The following GABRB3 variants were observed in gnomAD, a reference collection of about 807,000 sequenced individuals.
GABRB3 encodes the protein gamma-aminobutyric acid receptor subunit beta-3.
GABRB3 carries 14 observed loss-of-function variants against 52.1 expected under a neutral mutation model. The observed-to-expected ratio is 0.27, with a 90% CI of 0.18 to 0.42. The LOEUF is 0.42. Among genes scored for constraint, GABRB3 ranks in the 10% least tolerant of loss-of-function variants. The pLI is 1.00. For synonymous variants in GABRB3, 260 were observed against 232.3 expected (o/e 1.12, Z -1.08); for missense variants, 307 against 609.1 (o/e 0.50, Z 5.22).
intron 3 of GABRB3, among the ~76,000 whole-genome samples, chr15:26,640,472 A>G (rs921543732): frequency 6.6e-6 from 1 of 152,064 alleles, no homozygotes; most frequent in African/African-American, 2.4e-5. Flanking sequence ...AGCCGAGATC[A>G]CGCCACTGCA....
intron 3 of GABRB3, among the ~76,000 whole-genome samples, chr15:26,761,219 C>T (rs1392608314): frequency 6.6e-6 from 1 of 151,992 alleles, no homozygotes; most frequent in African/African-American, 2.4e-5. Flanking sequence ...ATAGTGAAAC[C>T]CCGTCTCTAC....
chr15:26,578,862 G>A (rs1022668865), intron 6 of GABRB3, among the ~76,000 whole-genome samples: 3 of 152,172 alleles, frequency 2.0e-5, no homozygotes, highest in South Asian at 4.1e-4. Context: ...ACAGGCCAAC[G>A]TTCTTGGTTG....
chr15:26,594,004 A>ATATATATATATAT (rs1566764220), intron 4 of GABRB3, among the ~76,000 whole-genome samples: 1 of 128,340 alleles, frequency 7.8e-6, no homozygotes, highest in Non-Finnish European at 1.6e-5. Context: ...ATATATATAT[A>ATATATATATATAT]ATAGCCATCC....
At position 26,624,669 on chromosome 15, in the gene GABRB3, T is replaced by C. The variant is rs1356092439; in HGVS notation, c.241-3135A>G. On this transcript the variant is annotated intron_variant, in intron 3 of 8. Transcript: ENST00000311550. ...CAAGAGGGAAAAAACAGTATGAAAA[T>C]CCAAACCCGCTGCATGTGATCAGCC... 8 of 985,154 alleles carry C rather than the reference T, an allele frequency of 8.1e-6. No homozygotes were observed. The East Asian group carries it at 3.4e-4, about 42-fold the overall frequency. The allele number at this position is 985,154 out of a possible 1,614,324, so 61.0% of individuals were successfully genotyped here.
chr15:26,715,440 C>A (rs1889436708), intron 3 of GABRB3, among the ~76,000 whole-genome samples: 1 of 151,894 alleles, frequency 6.6e-6, no homozygotes, highest in Non-Finnish European at 1.5e-5. Context: ...GTGCTACATC[C>A]CAGAAGAGAG....
chr15:26,624,302 T>C (rs543083544), intron 3 of GABRB3: 2 of 985,574 alleles, frequency 2.0e-6, no homozygotes, highest in African/African-American at 3.5e-5. Context: ...GACCACAGAG[T>C]TTCTCTACTA....
At chr15:26,773,762 CT>C (rs1282260565), upstream of GABRB3, 3 of 1,533,900 alleles carry the variant, frequency 2.0e-6, no homozygotes, top group Admixed American at 5.9e-5. Context: ...GGGATCCGCT[CT>C]CCCCCCTACT....
intron 8 of GABRB3, among the ~76,000 whole-genome samples, chr15:26,558,295 GC>G (rs1465460447): frequency 6.6e-6 from 1 of 152,152 alleles, no homozygotes; most frequent in Non-Finnish European, 1.5e-5. Flanking sequence ...TTTATGCTGT[GC>G]TGAAAGGAAG....
At chr15:26,655,732 ACT>A (rs1265152043) in intron 3 of GABRB3, among the ~76,000 whole-genome samples, 2 of 143,364 alleles carry the variant, frequency 1.4e-5, no homozygotes, top group Non-Finnish European at 1.5e-5. Context: ...ACACAGCGAG[ACT>A]CTGTCTCAAA....
chr15:26,605,191 G>A (rs957187686), intron 4 of GABRB3, among the ~76,000 whole-genome samples: 9 of 152,116 alleles, frequency 5.9e-5, no homozygotes, highest in African/African-American at 1.9e-4. Context: ...TCAGAGAAAT[G>A]CAAATCAAAA....
At chr15:26,754,477 A>T (rs188626051) in intron 3 of GABRB3, among the ~76,000 whole-genome samples, 46 of 152,324 alleles carry the variant, frequency 3.0e-4, no homozygotes, top group African/African-American at 1.0e-3. Flanking sequence ...ACAGTTACTG[A>T]TTCATTTCAC....
intron 3 of GABRB3, among the ~76,000 whole-genome samples, chr15:26,757,181 TC>T (rs1890686135): frequency 6.6e-6 from 1 of 152,168 alleles, no homozygotes; most frequent in Admixed American, 6.5e-5. Flanking sequence ...TTTTTGCTAT[TC>T]GTATCCCACC....
At chr15:26,685,817 G>C (rs66690993) in intron 3 of GABRB3, among the ~76,000 whole-genome samples, 2 of 106,366 alleles carry the variant, frequency 1.9e-5, no homozygotes, top group South Asian at 6.0e-4. Flanking sequence ...TTTTTTTTTT[G>C]CCCTAGAGAC....
chr15:26,750,559 A>T (rs1196440562), intron 3 of GABRB3, among the ~76,000 whole-genome samples: 1 of 41,236 alleles, frequency 2.4e-5, no homozygotes, highest in Non-Finnish European at 7.6e-5. Flanking sequence ...TCAGTTAAAT[A>T]ATAAGAATCG....
At chr15:26,623,539 T>C (rs1892568894) in intron 3 of GABRB3, among the ~76,000 whole-genome samples, 2 of 63,284 alleles carry the variant, frequency 3.2e-5, no homozygotes, top group South Asian at 1.0e-3. Flanking sequence ...ACCATCTCTT[T>C]TGTTTGTTTG....
At chr15:26,682,541 T>C (rs1888271849) in intron 3 of GABRB3, among the ~76,000 whole-genome samples, 2 of 152,208 alleles carry the variant, frequency 1.3e-5, no homozygotes, top group African/African-American at 4.8e-5. Context: ...CACAATGTTA[T>C]AGAAAACTCA....
intron 3 of GABRB3, among the ~76,000 whole-genome samples, chr15:26,755,199 G>A (rs993822428): frequency 1.1e-4 from 16 of 151,910 alleles, no homozygotes; most frequent in African/African-American, 3.4e-4. Flanking sequence ...TAGAGATGGG[G>A]TTTCACCATG....
At chr15:26,653,436 G>A (rs375525893) in intron 3 of GABRB3, among the ~76,000 whole-genome samples, 3 of 152,282 alleles carry the variant, frequency 2.0e-5, no homozygotes, top group African/African-American at 7.2e-5. Context: ...ACAGAAGACA[G>A]CAAGAAGAAT....
At chr15:26,656,516 C>A (rs956615862) in intron 3 of GABRB3, among the ~76,000 whole-genome samples, 7 of 152,346 alleles carry the variant, frequency 4.6e-5, no homozygotes, top group Non-Finnish European at 1.0e-4. Context: ...GGGCTGTGGT[C>A]TGGGACCAGT....
Sources: gnomAD v4.1 joint callset for allele counts (sites outside exome capture counted in the v4.1 genomes callset) on GRCh38, gnomAD v4.1.1 for gene constraint, MANE v1.5 for transcripts, NCBI Gene and HGNC (gene_info 2026-07-23, HGNC 2026-07-21) for gene names.